Variants in RANBP2 observed in about 807,000 individuals in gnomAD.
RANBP2 encodes the protein RAN binding protein 2, also known as E3 SUMO-protein ligase RanBP2.
In RANBP2, 57 loss-of-function variants were observed where a neutral mutation model predicts 303.6. The ratio of observed to expected loss-of-function variants is 0.19; its 90% CI spans 0.15 to 0.23. The LOEUF is 0.23. Among genes scored for constraint, RANBP2 ranks in the 10% least tolerant of loss-of-function variants. RANBP2 has a pLI of 1.00. For missense variants in RANBP2, 3,138 were observed against 3,780.8 expected, an observed-to-expected ratio of 0.83 and a Z score of 4.46; for synonymous variants, 1,167 against 1,301.5, an observed-to-expected ratio of 0.90 and a Z score of 2.23.
At chr2:109,286,555 C>T in the RANBP2 span, among the ~76,000 whole-genome samples, 1 of 152,206 alleles carries the variant, frequency 6.6e-6, no homozygotes, top group Non-Finnish European at 1.5e-5. Flanking sequence ...GGGGTTTGCT[C>T]CAGGTGGGCC....
the RANBP2 span, among the ~76,000 whole-genome samples, chr2:108,821,348 A>T: frequency 6.7e-6 from 1 of 150,200 alleles, no homozygotes; most frequent in Non-Finnish European, 1.5e-5. Context: ...ACAGGGTGAG[A>T]CTCCGTCTCA....
chr2:108,837,010 G>A, the RANBP2 span, among the ~76,000 whole-genome samples: 4 of 152,084 alleles, frequency 2.6e-5, no homozygotes, highest in South Asian at 8.3e-4. Flanking sequence ...TGAGAAGAGA[G>A]ATGATTTTAC....
At chr2:109,615,628 A>G in the RANBP2 span, 1 of 1,613,802 alleles carries the variant, frequency 6.2e-7, no homozygotes, top group Non-Finnish European at 8.5e-7. Context: ...AAGGCCTCCC[A>G]GTACCTGAGT....
chr2:109,400,072 G>T, the RANBP2 span, among the ~76,000 whole-genome samples: 1 of 152,190 alleles, frequency 6.6e-6, no homozygotes, highest in East Asian at 1.9e-4. Context: ...CAACTGGCTG[G>T]GAAGAACTGT....
At chr2:108,720,380 C>T (rs1694141520) in intron 1 of RANBP2, among the ~76,000 whole-genome samples, 1 of 150,790 alleles carries the variant, frequency 6.6e-6, no homozygotes, top group Admixed American at 6.6e-5. Flanking sequence ...TTCTAAAGTT[C>T]TTACAAATCG....
the RANBP2 span, among the ~76,000 whole-genome samples, chr2:109,012,822 G>A: frequency 6.6e-6 from 1 of 152,198 alleles, no homozygotes; most frequent in Non-Finnish European, 1.5e-5. Context: ...GCTGAGGCAG[G>A]AGAATGGCGT....
At chr2:109,200,469 T>G in the RANBP2 span, among the ~76,000 whole-genome samples, 1 of 152,134 alleles carries the variant, frequency 6.6e-6, no homozygotes, top group Non-Finnish European at 1.5e-5. Flanking sequence ...GACCTTCATT[T>G]CCTTTGTAGT....
the RANBP2 span, among the ~76,000 whole-genome samples, chr2:109,334,065 A>G: frequency 1.9e-3 from 295 of 152,344 alleles, 2 homozygotes; most frequent in Admixed American, 5.1e-3. Flanking sequence ...GTGCATTTGA[A>G]GATCACCTCA....
At chr2:109,430,859 C>G in the RANBP2 span, among the ~76,000 whole-genome samples, 1 of 152,062 alleles carries the variant, frequency 6.6e-6, no homozygotes, top group Non-Finnish European at 1.5e-5. Flanking sequence ...GGGAAAGAAA[C>G]AAAGATGCCA....
chr2:109,606,671 GCTTT>G, the RANBP2 span, among the ~76,000 whole-genome samples: 1 of 95,228 alleles, frequency 1.1e-5, no homozygotes, highest in Non-Finnish European at 2.0e-5. Flanking sequence ...AAAATTTTAA[GCTTT>G]TTTTTTTTTT....
the RANBP2 span, among the ~76,000 whole-genome samples, chr2:109,449,686 C>T: frequency 2.0e-5 from 3 of 152,198 alleles, no homozygotes; most frequent in African/African-American, 7.2e-5. Context: ...ATCAGGCAGG[C>T]CTTGGGTGCT....
the RANBP2 span, among the ~76,000 whole-genome samples, chr2:109,275,686 G>A: frequency 2.0e-5 from 3 of 152,100 alleles, no homozygotes; most frequent in South Asian, 2.1e-4. Flanking sequence ...TGATTAGCGC[G>A]TCCTTTTAAA....
At chr2:109,748,930 T>C in the RANBP2 span, among the ~76,000 whole-genome samples, 1 of 48,126 alleles carries the variant, frequency 2.1e-5, no homozygotes, top group African/African-American at 5.0e-5. Flanking sequence ...AAAATAAACA[T>C]GTATAAAAAA....
At chr2:109,301,259 C>T in the RANBP2 span, among the ~76,000 whole-genome samples, 13 of 151,648 alleles carry the variant, frequency 8.6e-5, no homozygotes, top group African/African-American at 2.7e-4. Context: ...GACTTTCTCC[C>T]GTGTGGCCAC....
At chr2:109,615,182 C>T in the RANBP2 span, 2 of 1,548,666 alleles carry the variant, frequency 1.3e-6, no homozygotes, top group African/African-American at 1.4e-5. Flanking sequence ...GCAGCTCCTC[C>T]GGGGGAGGAC....
the RANBP2 span, among the ~76,000 whole-genome samples, chr2:109,440,168 AAGG>A: frequency 3.3e-5 from 5 of 152,356 alleles, no homozygotes; most frequent in East Asian, 7.7e-4. Context: ...GCTATGGAAG[AAGG>A]AGAAGTCCAG....
At chr2:108,890,712 C>G in the RANBP2 span, among the ~76,000 whole-genome samples, 1 of 152,182 alleles carries the variant, frequency 6.6e-6, no homozygotes, top group Non-Finnish European at 1.5e-5. Context: ...GTCTAAATCT[C>G]TAGACTTAGG....
In RANBP2 at chr2:108,766,572, C is replaced by T. The variant is rs1360566375; in HGVS notation, c.6033C>T (p.Ile2011=). ...DAYKTEDSDD[I]HFEPVVQMPE... ...ATAAGACTGAGGACAGCGATGACATCCATTTTGAACCAGTAGTTCAAATGC... is the reference window on the plus strand; with the variant it reads ...ATAAGACTGAGGACAGCGATGACATTCATTTTGAACCAGTAGTTCAAATGC... Residue 2011 remains isoleucine, a synonymous_variant, in exon 20 of 29, where the codon ATC becomes ATT. Coordinates refer to ENST00000283195, the MANE Select transcript of RANBP2 (RefSeq NM_006267.5). The T allele has an allele frequency of 5.6e-6, 9 of 1,611,800 alleles. No homozygotes were observed. The highest frequency in any genetic ancestry group is 2.7e-5 in the African/African-American group (2 of 74,816).
At chr2:109,494,802 G>T in the RANBP2 span, among the ~76,000 whole-genome samples, 61 of 152,254 alleles carry the variant, frequency 4.0e-4, no homozygotes, top group African/African-American at 1.4e-3. Flanking sequence ...GGCCTTTCCT[G>T]TGCCCAGACT....
Sources: gnomAD v4.1 joint callset for allele counts (sites outside exome capture counted in the v4.1 genomes callset) on GRCh38, gnomAD v4.1.1 for gene constraint, MANE v1.5 for transcripts, NCBI Gene and HGNC (gene_info 2026-07-23, HGNC 2026-07-21) for gene names.